Variants in KCNK10 observed in about 807,000 individuals in gnomAD.
KCNK10 encodes potassium two pore domain channel subfamily K member 10.
A neutral mutation model predicts 47.7 loss-of-function variants in KCNK10; 25 were observed. That is an observed-to-expected ratio of 0.52 (90% CI 0.38 to 0.73). The LOEUF (loss-of-function observed/expected upper bound fraction) is 0.73. Among genes scored for constraint, KCNK10 ranks in the 30% least tolerant of loss-of-function variants. The pLI, the probability that KCNK10 is intolerant of heterozygous loss-of-function variation, is 0.00. For missense variants in KCNK10, 563 were observed against 714.5 expected (o/e 0.79, Z 2.42); for synonymous variants, 303 against 285.6 (o/e 1.06, Z -0.61).
intron 1 of KCNK10, among the ~76,000 whole-genome samples, chr14:88,288,099 T>C (rs1232606535): frequency 6.6e-6 from 1 of 152,200 alleles, no homozygotes; most frequent in Non-Finnish European, 1.5e-5. Flanking sequence ...ATTAGTGATG[T>C]TGAGCATTTT....
Position 88,322,653 on chromosome 14 carries a change from CGCTGCCAGAA to C in KCNK10, c.52+84_52+93del. 1.3e-6 allele frequency: 2 copies of C among 1,545,374 alleles called. No homozygotes were observed. Among genetic ancestry groups the C allele is most frequent in the South Asian group, 2.2e-5 (2 of 89,064 alleles). On this transcript the variant is annotated intron_variant, in intron 1 of 6. Transcript: ENST00000319231. This position sits in a 1 kb window ranked among gnomAD's most constrained non-coding sequence, Gnocchi z 4.8. ...GCGCATTTCCCAGCCTCAGGACACA[CGCTGCCAGAA>C]GCAAGAGTGCTTCCACTCAAGGAAG...
At chr14:88,207,905 C>T (rs963871910) in intron 4 of KCNK10, among the ~76,000 whole-genome samples, 23 of 152,264 alleles carry the variant, frequency 1.5e-4, no homozygotes, top group Admixed American at 1.4e-3. Flanking sequence ...AAGGAACTGA[C>T]ATTTGAGCTG....
intron 1 of KCNK10, among the ~76,000 whole-genome samples, chr14:88,280,326 TG>T (rs570160635): frequency 6.6e-6 from 1 of 152,170 alleles, no homozygotes; most frequent in Non-Finnish European, 1.5e-5. Flanking sequence ...CCTCTCTCGT[TG>T]GGTCTTTTTA....
At chr14:88,212,007 A>C (rs1885473410) in intron 4 of KCNK10, among the ~76,000 whole-genome samples, 1 of 151,800 alleles carries the variant, frequency 6.6e-6, no homozygotes, top group South Asian at 2.1e-4. Context: ...AACTTGAAAG[A>C]CCAGTGATCT....
intron 4 of KCNK10, among the ~76,000 whole-genome samples, chr14:88,211,202 C>T (rs373554395): frequency 1.3e-5 from 2 of 152,150 alleles, no homozygotes; most frequent in South Asian, 2.1e-4. Flanking sequence ...GACACATGTG[C>T]AATATTCATG....
intron 3 of KCNK10, among the ~76,000 whole-genome samples, chr14:88,233,854 CATTT>C (rs1169052779): frequency 5.9e-5 from 9 of 152,296 alleles, no homozygotes; most frequent in Non-Finnish European, 1.0e-4. Flanking sequence ...ACAGATCATT[CATTT>C]AGCCATGTCA....
intron 1 of KCNK10, among the ~76,000 whole-genome samples, chr14:88,305,717 T>G (rs1466249886): frequency 6.6e-6 from 1 of 152,068 alleles, no homozygotes; most frequent in East Asian, 1.9e-4. Flanking sequence ...GCACAAGTGG[T>G]TTGTTTGGGA....
At chr14:88,317,248 A>ATC (rs1200953526) in intron 1 of KCNK10, among the ~76,000 whole-genome samples, 1 of 152,236 alleles carries the variant, frequency 6.6e-6, no homozygotes, top group Non-Finnish European at 1.5e-5. Context: ...TTTCCAGGAA[A>ATC]TCTAAGCTCC....
intron 1 of KCNK10, among the ~76,000 whole-genome samples, chr14:88,282,553 C>T (rs1373590258): frequency 6.6e-6 from 1 of 152,168 alleles, no homozygotes; most frequent in African/African-American, 2.4e-5. Flanking sequence ...TTAGAAGACA[C>T]CTATTTTTAG....
intron 4 of KCNK10, among the ~76,000 whole-genome samples, chr14:88,222,666 T>A (rs182983468): frequency 6.6e-6 from 1 of 152,274 alleles, no homozygotes; most frequent in Admixed American, 6.5e-5. Context: ...ATATGGGATA[T>A]CTCTGTATCT....
chr14:88,189,897 C>T (rs983206694), intron 5 of KCNK10, among the ~76,000 whole-genome samples: 1 of 152,106 alleles, frequency 6.6e-6, no homozygotes, highest in Non-Finnish European at 1.5e-5. Flanking sequence ...TGTGTAAGCT[C>T]GGAAAACTGG....
intron 1 of KCNK10, among the ~76,000 whole-genome samples, chr14:88,282,476 C>G (rs1191722470): frequency 1.3e-5 from 2 of 152,214 alleles, no homozygotes; most frequent in South Asian, 2.1e-4. Context: ...GCATTCAGGA[C>G]TGCATTTAGC....
chr14:88,322,972 G>C lies in KCNK10; in HGVS notation c.-174C>G. Reference sequence around the variant, plus strand: ...AGACAGGTGGGAAAATATTAGCTTGGGGGAGAACTGGAGAGGGCTTGGGTG... The same window carrying C: ...AGACAGGTGGGAAAATATTAGCTTGCGGGAGAACTGGAGAGGGCTTGGGTG... On this transcript the variant is annotated 5_prime_UTR_variant, in exon 1 of 7. Coordinates refer to ENST00000319231, the MANE Select transcript of KCNK10 (RefSeq NM_138317.3). This position sits in a 1 kb window ranked among gnomAD's most constrained non-coding sequence, Gnocchi z 4.8. The C allele has an allele frequency of 6.9e-7, 1 of 1,448,496 alleles. No homozygotes were observed. The highest frequency in any genetic ancestry group is 2.4e-5 in the Admixed American group (1 of 41,624). The allele number at this position is 1,448,496 out of a possible 1,614,324, so 89.7% of individuals were successfully genotyped here. A position where few individuals can be genotyped will look rare whatever the true frequency, so the allele number is the denominator to read the frequency against.
In KCNK10 at chr14:88,310,176, T is replaced by TATATCATATACCATATC. The variant is rs1566721438; in HGVS notation, c.52+12570_52+12571insGATATGGTATATGATAT. On this transcript the variant is annotated intron_variant, in intron 1 of 6. Transcript: ENST00000319231. The stretch of plus-strand genomic sequence containing the variant: ...CTCTCTCATATACCATATCATATGG[T>TATATCATATACCATATC]ATATGATATACCATATCATATGGTA... Among the ~76,000 whole-genome samples the TATATCATATACCATATC allele has an allele frequency of 9.1e-3, 1,142 of 124,848 alleles. 58 individuals carry two copies. Among genetic ancestry groups the TATATCATATACCATATC allele is most frequent in the African/African-American group, 0.012 (433 of 35,818 alleles). The allele number at this position is 124,848 out of a possible 152,430, so 81.9% of individuals were successfully genotyped here.
At chr14:88,242,389 A>C (rs935709413) in intron 2 of KCNK10, among the ~76,000 whole-genome samples, 1 of 152,184 alleles carries the variant, frequency 6.6e-6, no homozygotes, top group Non-Finnish European at 1.5e-5. Context: ...ATAATCTTTT[A>C]AATATGCAAA....
At chr14:88,261,766 G>C (rs199745665) in intron 2 of KCNK10, among the ~76,000 whole-genome samples, 2 of 111,172 alleles carry the variant, frequency 1.8e-5, no homozygotes, top group Non-Finnish European at 4.3e-5. Context: ...TCTCAAAAAA[G>C]AAAAAGAAAA....
intron 4 of KCNK10, among the ~76,000 whole-genome samples, chr14:88,201,308 A>C (rs1885093998): frequency 6.6e-6 from 1 of 152,226 alleles, no homozygotes; most frequent in African/African-American, 2.4e-5. Context: ...TCACTTATTT[A>C]TGATTATTAA....
chr14:88,252,886 C>G (rs1485485223), intron 2 of KCNK10, among the ~76,000 whole-genome samples: 3 of 152,166 alleles, frequency 2.0e-5, no homozygotes, highest in African/African-American at 7.2e-5. Context: ...ACAAAGGAGC[C>G]TGCTCATCAT....
rs988981042 is a variant in KCNK10 at position 88,322,401 on chromosome 14, A to G, written c.52+346T>C. On this transcript the variant is annotated intron_variant, in intron 1 of 6. Transcript: ENST00000319231. This position sits in a 1 kb window ranked among gnomAD's most constrained non-coding sequence, Gnocchi z 4.8. ...TGCCAGAGAGACAAAGATCACCAGA[A>G]ACAAAGGACACACACACACACACAC... 8.3e-6 allele frequency among the ~76,000 whole-genome samples: 1 copy of G among 120,236 alleles called. No individual in the cohort carries two copies. The highest frequency in any genetic ancestry group is 3.1e-5 in the African/African-American group (1 of 32,644). 78.9% of individuals were successfully genotyped at this position (120,236 alleles called of 152,430 possible). A position where few individuals can be genotyped will look rare whatever the true frequency, so the allele number is the denominator to read the frequency against.
Sources: allele counts gnomAD v4.1 joint callset (sites outside exome capture counted in the v4.1 genomes callset), GRCh38; gene constraint gnomAD v4.1.1; non-coding constraint Gnocchi (gnomAD v3.1); transcripts MANE v1.5; gene names NCBI Gene and HGNC (gene_info 2026-07-23, HGNC 2026-07-21).